MYO5C: variants seen among roughly 807,000 people sequenced by gnomAD.
The protein encoded by MYO5C is myosin VC.
A neutral mutation model predicts 235.7 loss-of-function variants in MYO5C; 194 were observed. The ratio of observed to expected loss-of-function variants is 0.82; its 90% CI spans 0.73 to 0.93. MYO5C has a LOEUF of 0.93. Ranked by LOEUF, MYO5C falls within the 40% of genes least tolerant of loss-of-function variation. The pLI, the probability that MYO5C is intolerant of heterozygous loss-of-function variation, is 0.00. For synonymous variants in MYO5C, 707 were observed against 754.8 expected, an observed-to-expected ratio of 0.94 and a Z score of 1.04; for missense variants, 2,038 against 2,127.2, an observed-to-expected ratio of 0.96 and a Z score of 0.82.
intron 15 of MYO5C, 58 bp downstream of exon 15, chr15:52,247,400 G>A: frequency 6.4e-7 from 1 of 1,574,686 alleles, no homozygotes; most frequent in East Asian, 2.2e-5. Flanking sequence ...GAGTGCCCTG[G>A]CTCCCCAGGG....
intron 22 of MYO5C, among the ~76,000 whole-genome samples, chr15:52,236,636 A>G (rs1665524212): frequency 6.6e-6 from 1 of 152,132 alleles, no homozygotes; most frequent in African/African-American, 2.4e-5. Context: ...AGATTGCGCC[A>G]CCGCACTCCA....
intron 5 of MYO5C, among the ~76,000 whole-genome samples, chr15:52,274,670 AC>A (rs372865087): frequency 0.022 from 3,014 of 136,836 alleles, 116 homozygotes; most frequent in South Asian, 0.1. Context: ...GTTTCTTAGT[AC>A]CCCCCCCCCG....
intron 38 of MYO5C, among the ~76,000 whole-genome samples, chr15:52,202,343 C>T (rs951267454): frequency 1.3e-5 from 2 of 152,144 alleles, no homozygotes; most frequent in African/African-American, 4.8e-5. Context: ...TGCCACTGTA[C>T]TCCAGCCTGG....
At chr15:52,277,983 G>C (rs1197736285) in intron 4 of MYO5C, 1 of 455,966 alleles carries the variant, frequency 2.2e-6, no homozygotes, top group East Asian at 7.0e-5. Flanking sequence ...TAAAGATTTA[G>C]GTAAAGAGTC....
chr15:52,213,056 A>G (rs2035481127), intron 34 of MYO5C, 132 bp downstream of exon 34: 2 of 649,914 alleles, frequency 3.1e-6, no homozygotes, highest in Non-Finnish European at 5.5e-6. Flanking sequence ...GAGGTTGAGA[A>G]ACTCTGGGCT....
chr15:52,211,386 G>A (rs2035438409), intron 35 of MYO5C, among the ~76,000 whole-genome samples: 1 of 152,174 alleles, frequency 6.6e-6, no homozygotes, highest in African/African-American at 2.4e-5. Context: ...CAAGGGAAGA[G>A]ATGAATAATT....
rs1566978865 is a variant in MYO5C at position 52,248,798 on chromosome 15, CAATT to C, written c.1663-19_1663-16del. On this transcript the variant is annotated splice_polypyrimidine_tract_variant and intron_variant, in intron 13 of 40. Transcript: ENST00000261839. ...TTATACTCTACCTATACAGAGAAAG[CAATT>C]AATTATTCCCAAAGAGGCCAAAGAA... 1 of 1,582,788 alleles carries C rather than the reference CAATT, an allele frequency of 6.3e-7. No individual in the cohort carries two copies. The highest frequency in any genetic ancestry group is 8.7e-7 in the Non-Finnish European group (1 of 1,153,084).
At chr15:52,234,247 G>A (rs974173861) in intron 23 of MYO5C, among the ~76,000 whole-genome samples, 2 of 152,182 alleles carry the variant, frequency 1.3e-5, no homozygotes, top group African/African-American at 4.8e-5. Flanking sequence ...TAGCATCCCT[G>A]GGTCTTAGGT....
chr15:52,230,914 G>A (rs549964388), intron 24 of MYO5C, among the ~76,000 whole-genome samples: 4 of 144,090 alleles, frequency 2.8e-5, no homozygotes, highest in East Asian at 4.3e-4. Context: ...TGAAACCTCC[G>A]CCTCCCGGTT....
chr15:52,213,099 A>C, intron 34 of MYO5C, 89 bp downstream of exon 34: 1 of 952,558 alleles, frequency 1.0e-6, no homozygotes, highest in Non-Finnish European at 1.7e-6. Context: ...AAAGTAGAAA[A>C]AGGACCACCC....
intron 22 of MYO5C, 103 bp downstream of exon 22, chr15:52,237,379 A>C: frequency 7.2e-7 from 1 of 1,395,680 alleles, no homozygotes; most frequent in Non-Finnish European, 9.7e-7. Context: ...GCAAAATCTG[A>C]TTTGCTCTGC....
intron 13 of MYO5C, among the ~76,000 whole-genome samples, chr15:52,250,527 A>G (rs2036449101): frequency 6.6e-6 from 1 of 152,180 alleles, no homozygotes; most frequent in African/African-American, 2.4e-5. Context: ...TACAGGTGTG[A>G]GCCACTGCAC....
chr15:52,233,366 G>T (rs190502946), intron 23 of MYO5C, among the ~76,000 whole-genome samples: 1 of 152,208 alleles, frequency 6.6e-6, no homozygotes, highest in East Asian at 1.9e-4. Context: ...TTTGTGACAA[G>T]GTTTCTCGGT....
chr15:52,270,360 G>C (rs952884822), intron 7 of MYO5C, among the ~76,000 whole-genome samples: 1 of 152,314 alleles, frequency 6.6e-6, no homozygotes, highest in Non-Finnish European at 1.5e-5. Context: ...ACTTTCTCAA[G>C]TTCCAATAGC....
chr15:52,194,215 C>T (rs1288708196), intron 40 of MYO5C, among the ~76,000 whole-genome samples, 161 bp from the exon 41 acceptor site: 1 of 152,174 alleles, frequency 6.6e-6, no homozygotes, highest in Admixed American at 6.5e-5. Context: ...AGCACAATTC[C>T]AAAGTCTATC....
intron 4 of MYO5C, among the ~76,000 whole-genome samples, chr15:52,276,198 C>T (rs1380790754): frequency 6.6e-6 from 1 of 152,132 alleles, no homozygotes; most frequent in Non-Finnish European, 1.5e-5. Context: ...ACCTCAGGTT[C>T]AATGACCCAG....
rs758308869 is a variant in MYO5C at position 52,295,674 on chromosome 15, C to T, written c.-38G>A. On this transcript the variant is annotated 5_prime_UTR_variant, in exon 1 of 41. Coordinates refer to ENST00000261839, the MANE Select transcript of MYO5C (RefSeq NM_018728.4). The stretch of plus-strand genomic sequence containing the variant: ...CCGGGGCCAGGCCGGGGCTGCCGAA[C>T]GTGCGAGGCTCGGGGGCTGGGCCTG... 2 of 1,380,940 alleles carry T rather than the reference C, an allele frequency of 1.4e-6. No homozygotes were observed. Among genetic ancestry groups the T allele is most frequent in the South Asian group, 3.2e-5 (2 of 62,262 alleles). The allele number at this position is 1,380,940 out of a possible 1,614,324, so 85.5% of individuals were successfully genotyped here.
chr15:52,292,229 G>T (rs562924478), intron 1 of MYO5C, among the ~76,000 whole-genome samples: 6 of 152,230 alleles, frequency 3.9e-5, no homozygotes, highest in Non-Finnish European at 8.8e-5. Context: ...TTCCAATTTA[G>T]TTATTATAAG....
chr15:52,223,501 CT>C, intron 29 of MYO5C, 42 bp downstream of exon 29: 2 of 1,578,226 alleles, frequency 1.3e-6, no homozygotes, highest in Non-Finnish European at 8.6e-7. Flanking sequence ...AAGAACAACT[CT>C]AGTATGATGG....
Sources: gnomAD v4.1 joint callset for allele counts (sites outside exome capture counted in the v4.1 genomes callset) on GRCh38, gnomAD v4.1.1 for gene constraint, MANE v1.5 for transcripts, NCBI Gene and HGNC (gene_info 2026-07-23, HGNC 2026-07-21) for gene names.